Variants in ANKRD30A observed in about 807,000 individuals in gnomAD.
ANKRD30A encodes the protein ankyrin repeat domain 30A.
Under a neutral mutation model 166.3 loss-of-function variants are expected in ANKRD30A, and 170 were observed. The ratio of observed to expected loss-of-function variants is 1.02; its 90% CI spans 0.90 to 1.16. ANKRD30A has a LOEUF of 1.16. ANKRD30A is among the 50% of genes most tolerant of loss of function. The pLI, the probability that ANKRD30A is intolerant of heterozygous loss-of-function variation, is 0.00. For synonymous variants in ANKRD30A, 564 were observed against 508.9 expected, an observed-to-expected ratio of 1.11 and a Z score of -1.46; for missense variants, 1,630 against 1,518.0, an observed-to-expected ratio of 1.07 and a Z score of -1.23.
chr10:37,192,408 G>C (rs1453275968), intron 25 of ANKRD30A, among the ~76,000 whole-genome samples: 1 of 151,846 alleles, frequency 6.6e-6, no homozygotes, highest in Non-Finnish European at 1.5e-5. Context: ...AATTTTAAGA[G>C]GACTAAACTA....
intron 32 of ANKRD30A, 91 bp from the exon 33 acceptor site, chr10:37,217,604 G>T (rs1842667955): frequency 1.9e-6 from 2 of 1,047,756 alleles, no homozygotes; most frequent in Non-Finnish European, 1.3e-6. Context: ...AATTTTATTG[G>T]ACTAATAACC....
At chr10:37,183,794 A>G (rs1179596429) in intron 24 of ANKRD30A, among the ~76,000 whole-genome samples, 1 of 148,174 alleles carries the variant, frequency 6.7e-6, no homozygotes, top group African/African-American at 2.5e-5. Flanking sequence ...AGTATACCTA[A>G]TATAATTGTC....
At chr10:37,241,892 C>T in the ANKRD30A span, 1 of 152,132 alleles carries the variant, frequency 6.6e-6, no homozygotes, top group Non-Finnish European at 1.5e-5. Context: ...CTTTCTTTCT[C>T]TGAACCATTT....
At chr10:37,192,643 C>T (rs151066212) in intron 25 of ANKRD30A, among the ~76,000 whole-genome samples, 1 of 151,974 alleles carries the variant, frequency 6.6e-6, no homozygotes, top group Non-Finnish European at 1.5e-5. Flanking sequence ...ATCAGTGATT[C>T]TGACGTGTTT....
At chr10:37,194,137 A>T (rs1005555205) in intron 27 of ANKRD30A, among the ~76,000 whole-genome samples, 1 of 151,932 alleles carries the variant, frequency 6.6e-6, no homozygotes, top group Non-Finnish European at 1.5e-5. Context: ...CAGAAGTTGC[A>T]TGAGCCGAGC....
In ANKRD30A at chr10:37,219,145, G is replaced by T. The variant is rs747920197; in HGVS notation, c.3433G>T (p.Glu1145Ter). 2 of 1,610,012 alleles carry T rather than the reference G, an allele frequency of 1.2e-6. No homozygotes were observed. Among genetic ancestry groups the T allele is most frequent in the African/African-American group, 2.7e-5 (2 of 74,594 alleles). ...TAAGATTTTAAAAGAAAAGAATGCT[G>T]AACTTCAGATGACCCTAAAACTGAA... The part of the protein sequence containing the change: ...DIKILKEKNA[E>*]LQMTLKLKEE... Residue 1145 changes from glutamate to a stop codon, truncating the protein, a stop_gained, in exon 34 of 36, where the codon GAA becomes TAA. Transcript: ENST00000361713. LOFTEE classifies it high-confidence loss of function.
At chr10:37,163,047 C>G (rs1782064) in intron 17 of ANKRD30A, among the ~76,000 whole-genome samples, 199 bp downstream of exon 17, 7,482 of 151,842 alleles carry the variant, frequency 0.049, 258 homozygotes, top group South Asian at 0.063. Context: ...AAAAATGTAG[C>G]CTTAATCTCA....
downstream of ANKRD30A, among the ~76,000 whole-genome samples, chr10:37,237,099 C>T (rs1033707437): frequency 2.0e-5 from 3 of 152,152 alleles, no homozygotes; most frequent in African/African-American, 7.2e-5. Context: ...ACAGTTTTAC[C>T]ATATGCATGC....
chr10:37,260,583 G>T, the ANKRD30A span, among the ~76,000 whole-genome samples: 1 of 152,124 alleles, frequency 6.6e-6, no homozygotes, highest in African/African-American at 2.4e-5. Flanking sequence ...AGGGACCCAT[G>T]GTTACCCACT....
intron 18 of ANKRD30A, 69 bp downstream of exon 18, chr10:37,165,224 AGTCTTT>A: frequency 7.0e-7 from 1 of 1,438,198 alleles, no homozygotes; most frequent in Admixed American, 1.7e-5. Flanking sequence ...TCAGATGCTT[AGTCTTT>A]ATTTTCTCAC....
intron 33 of ANKRD30A, among the ~76,000 whole-genome samples, chr10:37,218,319 A>G (rs1421313566): frequency 6.6e-6 from 1 of 150,848 alleles, no homozygotes; most frequent in Admixed American, 6.6e-5. Flanking sequence ...TTATATTTAC[A>G]TATTTACCCA....
intron 24 of ANKRD30A, among the ~76,000 whole-genome samples, chr10:37,179,013 AATATATATAT>A (rs139390228): frequency 0.054 from 6,251 of 116,474 alleles, 34 homozygotes; most frequent in East Asian, 0.1. Context: ...TGAGGCGTCA[AATATATATAT>A]ATATATATAT....
At chr10:37,225,183 C>T (rs1394031670) in intron 34 of ANKRD30A, among the ~76,000 whole-genome samples, 1 of 150,916 alleles carries the variant, frequency 6.6e-6, no homozygotes, top group Admixed American at 6.6e-5. Flanking sequence ...AATATCAATC[C>T]TTTATCTGTC....
chr10:37,220,415 CT>C (rs893101133), intron 34 of ANKRD30A, among the ~76,000 whole-genome samples: 3 of 151,090 alleles, frequency 2.0e-5, no homozygotes, highest in Non-Finnish European at 3.0e-5. Flanking sequence ...TGTAATAATA[CT>C]TTTTTTCAGT....
intron 9 of ANKRD30A, among the ~76,000 whole-genome samples, chr10:37,147,920 A>G (rs1441081237): frequency 6.6e-6 from 1 of 152,226 alleles, no homozygotes; most frequent in Non-Finnish European, 1.5e-5. Flanking sequence ...AAGTTTTCTC[A>G]CTTTTCCTGT....
chr10:37,239,555 G>A, the ANKRD30A span, among the ~76,000 whole-genome samples: 1 of 151,890 alleles, frequency 6.6e-6, no homozygotes, highest in Admixed American at 6.6e-5. Flanking sequence ...GTTAATTTAA[G>A]GAAAAACCTA....
intron 17 of ANKRD30A, among the ~76,000 whole-genome samples, chr10:37,164,528 T>A (rs2132603607): frequency 6.6e-6 from 1 of 152,234 alleles, no homozygotes; most frequent in East Asian, 1.9e-4. Flanking sequence ...TTTTTAAAGC[T>A]TATCTTCCTA....
the ANKRD30A span, among the ~76,000 whole-genome samples, chr10:37,239,293 T>C: frequency 3.4e-4 from 52 of 152,292 alleles, no homozygotes; most frequent in Non-Finnish European, 6.5e-4. Context: ...CAAGCTAACA[T>C]TGAAAACTGG....
rs773422253 is a variant in ANKRD30A at position 37,199,802 on chromosome 10, T to C, written c.2778+14T>C. On this transcript the variant is annotated intron_variant, in intron 30 of 35. Coordinates refer to ENST00000361713, the MANE Select transcript of ANKRD30A (RefSeq NM_052997.3). ...TGGGATTCTGAGGTACTATGTGTTATTGATTTTTTTAAATATTAGTATTGC... is the reference window on the plus strand; with the variant it reads ...TGGGATTCTGAGGTACTATGTGTTACTGATTTTTTTAAATATTAGTATTGC... 3.3e-6 allele frequency: 5 copies of C among 1,497,618 alleles called. No homozygotes were observed. The African/African-American group carries it at 7.0e-5, about 21-fold the overall frequency. The allele number at this position is 1,497,618 out of a possible 1,614,324, so 92.8% of individuals were successfully genotyped here.
Sources: allele counts gnomAD v4.1 joint callset (sites outside exome capture counted in the v4.1 genomes callset), GRCh38; gene constraint gnomAD v4.1.1; transcripts MANE v1.5; gene names NCBI Gene and HGNC (gene_info 2026-07-23, HGNC 2026-07-21).